DNAH2: variants seen among roughly 807,000 people sequenced by gnomAD.
DNAH2 encodes axonemal beta dynein heavy chain 2.
A neutral mutation model predicts 523.5 loss-of-function variants in DNAH2; 323 were observed. The observed-to-expected ratio is 0.62, with a 90% CI of 0.56 to 0.68. The LOEUF is 0.68. Among genes scored for constraint, DNAH2 ranks in the 30% least tolerant of loss-of-function variants. The probability of loss-of-function intolerance (pLI) is 0.00; values close to 1 mark genes in which losing one functional copy is unlikely to be tolerated. For synonymous variants in DNAH2, 2,093 were observed against 2,177.4 expected, an observed-to-expected ratio of 0.96 and a Z score of 1.08; for missense variants, 4,907 against 5,701.5, an observed-to-expected ratio of 0.86 and a Z score of 4.49.
chr17:7,731,134 TAATTAAATTA>T (rs71159524), intron 4 of DNAH2, among the ~76,000 whole-genome samples: 6 of 148,792 alleles, frequency 4.0e-5, no homozygotes, highest in Non-Finnish European at 1.5e-5. Context: ...ATAAATAAAT[TAATTAAATTA>T]AATTAAATTA....
intron 64 of DNAH2, 70 bp downstream of exon 64, chr17:7,816,805 G>T: frequency 6.4e-7 from 1 of 1,566,336 alleles, no homozygotes; most frequent in Admixed American, 1.9e-5. Context: ...ATCCCTTTTA[G>T]CTTGAGGAGC....
rs778890072 is a variant in DNAH2 at position 7,758,669 on chromosome 17, G to T, written c.2208+18G>T. 2 of 1,603,140 alleles carry T rather than the reference G, an allele frequency of 1.2e-6. No individual in the cohort carries two copies. The highest frequency in any genetic ancestry group is 2.2e-5 in the East Asian group (1 of 44,730). On this transcript the variant is annotated intron_variant, in intron 14 of 85. Transcript: ENST00000572933. ...CCAGCAAGGTGGGCCATGGTCCTTA[G>T]ACCCTAAAGGTCTGCAAGGCTGATG...
Position 7,764,113 on chromosome 17 carries a change from T to G in DNAH2, c.3180-4T>G, listed in dbSNP as rs574263036. The G allele has an allele frequency of 1.2e-6, 2 of 1,614,176 alleles. No homozygotes were observed. Among genetic ancestry groups the G allele is most frequent in the South Asian group, 1.1e-5 (1 of 91,084 alleles). ...TCACTAGCACTCCCTTTGCCCGCCT[T>G]CAGAATCAGCCGCCCTCCGCAGACA... On this transcript the variant is annotated splice_polypyrimidine_tract_variant and splice_region_variant and intron_variant, in intron 19 of 85. Transcript: ENST00000572933.
chr17:7,797,314 C>G, intron 51 of DNAH2, 53 bp downstream of exon 51: 1 of 1,613,414 alleles, frequency 6.2e-7, no homozygotes, highest in Non-Finnish European at 8.5e-7. Context: ...TTGCTCCCAC[C>G]CCTACTTTGT....
rs77401546 is a variant in DNAH2, at chr17:7,768,039, C to T, written c.3815C>T (p.Thr1272Ile). 1.2e-6 allele frequency: 2 copies of T among 1,614,082 alleles called. No homozygotes were observed. Among genetic ancestry groups the T allele is most frequent in the Non-Finnish European group, 1.7e-6 (2 of 1,180,032 alleles). ...TTAHGLFRRL[T>I]KLAKEYKDRN... ...GCCCACGGGCTGTTTCGTCGCCTCA[C>T]AAAATTAGCCAAAGAGTATAAGGTG... The change falls in exon 23 of 86, where the codon ACA (threonine) becomes ATA (isoleucine). Residue 1272 changes from threonine (T) to isoleucine (I), a missense_variant. Coordinates refer to ENST00000572933, the MANE Select transcript of DNAH2 (RefSeq NM_020877.5).
chr17:7,794,208 C>T, intron 48 of DNAH2, 46 bp from the exon 49 acceptor site: 3 of 1,460,888 alleles, frequency 2.1e-6, no homozygotes, highest in Non-Finnish European at 2.8e-6. Context: ...GCCTCTCTTG[C>T]CCTCTCCCCT....
At chr17:7,752,427 C>T (rs2075711481) in intron 12 of DNAH2, among the ~76,000 whole-genome samples, 1 of 151,998 alleles carries the variant, frequency 6.6e-6, no homozygotes, top group Non-Finnish European at 1.5e-5. Flanking sequence ...CTTGTATGTT[C>T]AGGCCGCGCG....
At chr17:7,770,523 C>A in intron 25 of DNAH2, 34 bp from the exon 26 acceptor site, 3 of 1,613,368 alleles carry the variant, frequency 1.9e-6, no homozygotes, top group Non-Finnish European at 2.5e-6. Context: ...TGAAGAGATA[C>A]CTGACTGCTG....
intron 73 of DNAH2, among the ~76,000 whole-genome samples, chr17:7,822,845 C>T (rs1046199859): frequency 1.3e-5 from 2 of 152,120 alleles, no homozygotes; most frequent in Non-Finnish European, 2.9e-5. Context: ...GGTGAGGCTA[C>T]CAACCAGTCA....
At chr17:7,789,240 T>C (rs1356262768) in intron 44 of DNAH2, among the ~76,000 whole-genome samples, 1 of 152,188 alleles carries the variant, frequency 6.6e-6, no homozygotes, top group Non-Finnish European at 1.5e-5. Context: ...AGTTACGAGT[T>C]ATCAATGGCC....
chr17:7,818,090 C>T lies in DNAH2; in HGVS notation c.10381C>T (p.Arg3461Ter), dbSNP rs761964142. 4.4e-5 allele frequency: 71 copies of T among 1,611,150 alleles called. No homozygotes were observed. The highest frequency in any genetic ancestry group is 5.5e-5 in the South Asian group (5 of 91,078). Residue 3461 changes from arginine (R) to a stop codon, truncating the protein, a stop_gained, in exon 68 of 86, where the codon CGA (arginine) becomes TGA (stop). Transcript: ENST00000572933. LOFTEE classifies it high-confidence loss of function. ...CCCCATGCTCAACAAATCTGTAGCC[C>T]GAATCGGTCAGGACAAGTCCCCAAG... Reference protein sequence around the residue: ...LNPMLNKSVARIGGRLLMRIG... With the variant: ...LNPMLNKSVA
intron 73 of DNAH2, among the ~76,000 whole-genome samples, chr17:7,822,579 A>G (rs1015027524): frequency 1.3e-5 from 2 of 151,532 alleles, no homozygotes; most frequent in Non-Finnish European, 2.9e-5. Context: ...AGAGTATCCT[A>G]TTTTTCCTTG....
chr17:7,780,814 T>G lies in DNAH2; in HGVS notation c.6003+32T>G. The G allele has an allele frequency of 1.2e-6, 2 of 1,613,694 alleles. No individual in the cohort carries two copies. Among genetic ancestry groups the G allele is most frequent in the Non-Finnish European group, 1.7e-6 (2 of 1,179,888 alleles). ...CAAGGACACAGCCTTTGGACCTGACTTCCACTGTCACTGGACCTATGTCAC... is the reference window on the plus strand; with the variant it reads ...CAAGGACACAGCCTTTGGACCTGACGTCCACTGTCACTGGACCTATGTCAC... On this transcript the variant is annotated intron_variant, in intron 38 of 85. Coordinates refer to ENST00000572933, the MANE Select transcript of DNAH2 (RefSeq NM_020877.5). This position sits in a 1 kb window ranked among gnomAD's most constrained non-coding sequence, Gnocchi z 4.4.
rs1259588816 is a variant in DNAH2, at chr17:7,818,770, T to C, written c.10664T>C (p.Ile3555Thr). ...KRKLKELEDE[I>T]LRLLNEATGS... ...AAGCTCAAGGAGCTGGAGGATGAGA[T>C]CCTGCGGTGAGGCCCTGCCTTCCCC... The change falls in exon 70 of 86, where the codon ATC becomes ACC. Residue 3555 changes from isoleucine (I) to threonine (T), a missense_variant. Physicochemically the swap from Ile to Thr is moderately conservative, Grantham distance 89. Around this residue, in one of 3 missense-constraint regions of DNAH2, gnomAD observed 1,851 missense variants for 2,139.4 expected, o/e 0.87. Transcript: ENST00000572933. The C allele has an allele frequency of 1.2e-6, 2 of 1,613,820 alleles. No homozygotes were observed. Among genetic ancestry groups the C allele is most frequent in the Non-Finnish European group, 1.7e-6 (2 of 1,179,950 alleles).
At chr17:7,814,900 G>A (rs1370862032) in intron 63 of DNAH2, among the ~76,000 whole-genome samples, 2 of 152,230 alleles carry the variant, frequency 1.3e-5, no homozygotes, top group Admixed American at 1.3e-4. Context: ...AAGTCTGGCT[G>A]TGGGAAAGGT....
intron 21 of DNAH2, 96 bp from the exon 22 acceptor site, chr17:7,766,222 A>C: frequency 2.3e-6 from 3 of 1,323,554 alleles, no homozygotes; most frequent in Non-Finnish European, 2.1e-6. Context: ...TCACGTGAGG[A>C]GAGAGGTGAG....
At chr17:7,756,395 C>T (rs1368206521) in intron 12 of DNAH2, among the ~76,000 whole-genome samples, 2 of 151,154 alleles carry the variant, frequency 1.3e-5, no homozygotes, top group East Asian at 4.0e-4. Context: ...CCCAGCTTAG[C>T]CTCCAGAGTA....
At chr17:7,823,412 A>G (rs758761567) in intron 73 of DNAH2, 30 bp from the exon 74 acceptor site, 15 of 1,605,566 alleles carry the variant, frequency 9.3e-6, no homozygotes, top group Non-Finnish European at 1.1e-5. Context: ...TCCCAAGTCA[A>G]TCCCTTTCTT....
At chr17:7,747,131 G>T (rs551104309) in intron 12 of DNAH2, among the ~76,000 whole-genome samples, 30 of 151,900 alleles carry the variant, frequency 2.0e-4, no homozygotes, top group African/African-American at 6.5e-4. Context: ...ATCATGAATG[G>T]CATTTTTGCA....
Sources: gnomAD v4.1 joint callset for allele counts (sites outside exome capture counted in the v4.1 genomes callset) on GRCh38, gnomAD v4.1.1 for gene constraint, gnomAD v4.1.1 regional missense constraint, Gnocchi (gnomAD v3.1) non-coding constraint, MANE v1.5 for transcripts, NCBI Gene and HGNC (gene_info 2026-07-23, HGNC 2026-07-21) for gene names.